Variants in SP4 observed in about 807,000 individuals in gnomAD.
SP4 encodes Sp4 transcription factor, also known as transcription factor Sp4.
SP4 carries 19 observed loss-of-function variants against 72.8 expected under a neutral mutation model. The observed-to-expected ratio is 0.26, with a 90% CI of 0.18 to 0.38. The LOEUF (loss-of-function observed/expected upper bound fraction) is 0.38, where lower values mean the gene tolerates loss of function less well. Among genes scored for constraint, SP4 ranks in the 10% least tolerant of loss-of-function variants. The probability of loss-of-function intolerance (pLI) is 1.00; values close to 1 mark genes in which losing one functional copy is unlikely to be tolerated. For synonymous variants in SP4, 395 were observed against 333.1 expected, an observed-to-expected ratio of 1.19 and a Z score of -2.02; for missense variants, 1,008 against 926.3, an observed-to-expected ratio of 1.09 and a Z score of -1.14.
intron 5 of SP4, 50 bp downstream of exon 5, chr7:21,482,173 C>T: frequency 7.5e-6 from 11 of 1,459,950 alleles, no homozygotes; most frequent in Non-Finnish European, 7.6e-6. Flanking sequence ...TCAGTTTTTA[C>T]ATGAAAATTT....
Position 21,428,176 on chromosome 7 carries a change from T to TCCACCCCCCCC in SP4, c.-74_-73insACCCCCCCCCC. On this transcript the variant is annotated 5_prime_UTR_variant, in exon 1 of 6. Transcript: ENST00000222584. ...ACCGCGGGCGGGCGGGACCGGCCTCTCCTCCCGCCTCGCCCCCACCCCCAC... is the reference window on the plus strand; with the variant it reads ...ACCGCGGGCGGGCGGGACCGGCCTCTCCACCCCCCCCCCTCCCGCCTCGCCCCCACCCCCAC... 8.3e-6 allele frequency: 6 copies of TCCACCCCCCCC among 718,772 alleles called. No individual in the cohort carries two copies. Among genetic ancestry groups the TCCACCCCCCCC allele is most frequent in the East Asian group, 3.0e-5 (1 of 33,530 alleles). 44.5% of individuals were successfully genotyped at this position (718,772 alleles called of 1,614,324 possible).
At chr7:21,482,975 T>G (rs1169092783) in intron 5 of SP4, among the ~76,000 whole-genome samples, 1 of 152,114 alleles carries the variant, frequency 6.6e-6, no homozygotes, top group Non-Finnish European at 1.5e-5. Context: ...TGAGAACATG[T>G]GTGAGAAGTG....
chr7:21,488,595 C>T (rs939759197), intron 5 of SP4, among the ~76,000 whole-genome samples: 4 of 150,126 alleles, frequency 2.7e-5, no homozygotes, highest in African/African-American at 9.8e-5. Flanking sequence ...CTCTCTTAAA[C>T]TTTAAAGGGT....
intron 5 of SP4, among the ~76,000 whole-genome samples, chr7:21,489,553 C>CTTTTTT (rs1193080485): frequency 3.8e-4 from 31 of 82,524 alleles, no homozygotes; most frequent in Non-Finnish European, 4.8e-4. Flanking sequence ...TTTCTTTTTT[C>CTTTTTT]TTTTTTTTTT....
At chr7:21,467,379 A>G (rs894854525) in intron 3 of SP4, among the ~76,000 whole-genome samples, 6 of 152,178 alleles carry the variant, frequency 3.9e-5, no homozygotes, top group African/African-American at 1.2e-4. Flanking sequence ...TCCATACCAT[A>G]TTATACAACA....
At chr7:21,476,570 A>G (rs2128409268) in intron 3 of SP4, among the ~76,000 whole-genome samples, 1 of 152,330 alleles carries the variant, frequency 6.6e-6, no homozygotes, top group South Asian at 2.1e-4. Flanking sequence ...TCGAATCAAT[A>G]AAGAGATGTT....
Position 21,450,716 on chromosome 7 carries a change from T to C in SP4, c.1678+19873T>C, listed in dbSNP as rs537848744. ...AGTTAACTCTCTGCCCAGGAAAATCTTTCATATACTACATACTAGCTTGTT... is the reference window on the plus strand; with the variant it reads ...AGTTAACTCTCTGCCCAGGAAAATCCTTCATATACTACATACTAGCTTGTT... On this transcript the variant is annotated intron_variant, in intron 3 of 5. Transcript: ENST00000222584. 2.6e-5 allele frequency among the ~76,000 whole-genome samples: 4 copies of C among 152,210 alleles called. No individual in the cohort carries two copies. The South Asian group carries it at 8.3e-4, about 31-fold the overall frequency.
intron 5 of SP4, among the ~76,000 whole-genome samples, chr7:21,488,883 G>A (rs1369494069): frequency 6.6e-6 from 1 of 152,142 alleles, no homozygotes; most frequent in Admixed American, 6.5e-5. Flanking sequence ...TTAATATAGT[G>A]TACTTTGTGA....
chr7:21,450,257 A>G (rs1783548503), intron 3 of SP4, among the ~76,000 whole-genome samples: 1 of 152,186 alleles, frequency 6.6e-6, no homozygotes, highest in Admixed American at 6.5e-5. Context: ...CATATTGTGA[A>G]CAGAGCCAAC....
chr7:21,491,179 G>T (rs1356480659), intron 5 of SP4, among the ~76,000 whole-genome samples: 1 of 152,126 alleles, frequency 6.6e-6, no homozygotes, highest in East Asian at 1.9e-4. Flanking sequence ...GAAATCAATG[G>T]AAAGGCAGAA....
intron 5 of SP4, among the ~76,000 whole-genome samples, chr7:21,484,938 A>G (rs971804167): frequency 2.1e-4 from 32 of 151,888 alleles, no homozygotes; most frequent in African/African-American, 7.7e-4. Flanking sequence ...TCACACCATT[A>G]TTATCTACTG....
intron 1 of SP4, 45 bp downstream of exon 1, chr7:21,428,303 T>TCTCC (rs773721181): frequency 4.7e-6 from 5 of 1,056,062 alleles, no homozygotes; most frequent in Non-Finnish European, 5.7e-6. Context: ...CGCCTCCCTC[T>TCTCC]CTCCCTCCCT....
At chr7:21,499,058 C>T (rs994233750) in intron 5 of SP4, among the ~76,000 whole-genome samples, 3 of 125,440 alleles carry the variant, frequency 2.4e-5, no homozygotes, top group South Asian at 2.7e-4. Context: ...CCAGCCTGGG[C>T]GATGGAGCAA....
rs181017238 is a variant in SP4, at chr7:21,480,601, A to C, written c.1908-1323A>C. On this transcript the variant is annotated intron_variant, in intron 4 of 5. Coordinates refer to ENST00000222584, the MANE Select transcript of SP4 (RefSeq NM_003112.5). The stretch of plus-strand genomic sequence containing the variant: ...CTCCTCTTTGATTTCTGATTCTAAT[A>C]ATTTGAGTCCTACTTTCTTGGTCAG... 6.5e-4 allele frequency among the ~76,000 whole-genome samples: 99 copies of C among 152,280 alleles called. 1 individual carries two copies. Among genetic ancestry groups the C allele is most frequent in the Non-Finnish European group, 3.1e-4 (21 of 68,016 alleles).
At chr7:21,464,630 GACTCAA>G (rs1383919955) in intron 3 of SP4, among the ~76,000 whole-genome samples, 12 of 148,272 alleles carry the variant, frequency 8.1e-5, no homozygotes, top group Non-Finnish European at 1.8e-4. Flanking sequence ...GCCCTGGCTA[GACTCAA>G]ACTCCTGGGC....
rs1782143745 is a variant in SP4 at position 21,511,572 on chromosome 7, T to G, written c.*303T>G. The G allele has an allele frequency of 4.0e-6, 1 of 251,976 alleles. No homozygotes were observed. The highest frequency in any genetic ancestry group is 4.8e-5 in the Admixed American group (1 of 20,624). The allele number at this position is 251,976 out of a possible 1,614,324, so 15.6% of individuals were successfully genotyped here. ...TCTCTTAATATCATGTGTTAACATG[T>G]TTAAAAAGACCTTAGTAGTTTGCAG... On this transcript the variant is annotated 3_prime_UTR_variant, in exon 6 of 6. Coordinates refer to ENST00000222584, the MANE Select transcript of SP4 (RefSeq NM_003112.5).
chr7:21,461,066 T>A (rs1783959994), intron 3 of SP4, among the ~76,000 whole-genome samples: 1 of 152,202 alleles, frequency 6.6e-6, no homozygotes, highest in Non-Finnish European at 1.5e-5. Flanking sequence ...TTGGTGTATT[T>A]ACAATCCCCT....
chr7:21,504,907 A>G (rs1781955812), intron 5 of SP4, among the ~76,000 whole-genome samples: 1 of 152,126 alleles, frequency 6.6e-6, no homozygotes, highest in Non-Finnish European at 1.5e-5. Flanking sequence ...TGGAGGCAAA[A>G]GCAACAGATT....
intron 5 of SP4, among the ~76,000 whole-genome samples, chr7:21,501,260 T>C (rs181007282): frequency 3.8e-4 from 58 of 152,274 alleles, no homozygotes; most frequent in African/African-American, 5.1e-4. Context: ...CCGTGCAGTT[T>C]GTTACATCCG....
Sources: allele counts gnomAD v4.1 joint callset (sites outside exome capture counted in the v4.1 genomes callset), GRCh38; gene constraint gnomAD v4.1.1; transcripts MANE v1.5; gene names NCBI Gene and HGNC (gene_info 2026-07-23, HGNC 2026-07-21).